The following ECSIT variants were observed in gnomAD, a reference collection of about 807,000 sequenced individuals.
ECSIT encodes ECSIT signaling integrator.
ECSIT carries 29 observed loss-of-function variants against 36.8 expected under a neutral mutation model. The observed-to-expected ratio is 0.79, with a 90% confidence interval of 0.59 to 1.08. The LOEUF (loss-of-function observed/expected upper bound fraction) is 1.08. Ranked by LOEUF, ECSIT falls within the 50% of genes least tolerant of loss-of-function variation. The pLI, the probability that ECSIT is intolerant of heterozygous loss-of-function variation, is 0.00. For missense variants in ECSIT, 542 were observed against 581.0 expected (o/e 0.93, Z 0.69); for synonymous variants, 231 against 234.8 (o/e 0.98, Z 0.15).
intron 4 of ECSIT, among the ~76,000 whole-genome samples, chr19:11,509,742 T>C (rs1971832721): frequency 6.6e-6 from 1 of 151,402 alleles, no homozygotes; most frequent in African/African-American, 2.4e-5. Context: ...CACTCCAGCA[T>C]GGGCGACAGA....
At chr19:11,527,568 G>A (rs1308059235) in intron 1 of ECSIT, among the ~76,000 whole-genome samples, 1 of 151,960 alleles carries the variant, frequency 6.6e-6, no homozygotes, top group African/African-American at 2.4e-5. Context: ...GTCATCTCAG[G>A]TACTCAGGAG....
intron 1 of ECSIT, among the ~76,000 whole-genome samples, chr19:11,527,238 C>T (rs1599594049): frequency 6.6e-6 from 1 of 152,306 alleles, no homozygotes; most frequent in African/African-American, 2.4e-5. Context: ...AGGAGAATCA[C>T]TTGAACCTGG....
chr19:11,514,139 T>G lies in ECSIT; in HGVS notation c.179A>C (p.Glu60Ala). The stretch of plus-strand genomic sequence containing the variant: ...AGCCTTGGTGGGCCTCTGCCGGGGT[T>G]CCGGTGGGCTGGGAACCAGGGACTG... ...SEQSLVPSPP[E>A]PRQRPTKALV... The change falls in exon 3 of 8, where the codon GAA becomes GCA. Residue 60 changes from glutamate to alanine, a missense_variant. Physicochemically the swap from Glu to Ala is moderately radical, Grantham distance 107. Transcript: ENST00000270517. The G allele has an allele frequency of 6.2e-7, 1 of 1,613,894 alleles. No homozygotes were observed. Among genetic ancestry groups the G allele is most frequent in the African/African-American group, 1.3e-5 (1 of 75,058 alleles).
At position 11,505,930 on chromosome 19, in the gene ECSIT, GCGCACAACCAACAGCGCTCC is replaced by G. The variant is rs1311780631; in HGVS notation, c.*234_*253del. The G allele has an allele frequency of 6.7e-6, 6 of 897,052 alleles. No individual in the cohort carries two copies. Among genetic ancestry groups the G allele is most frequent in the Admixed American group, 3.5e-5 (1 of 28,182 alleles). 55.6% of individuals were successfully genotyped at this position (897,052 alleles called of 1,614,324 possible). ...GAGACCAAGAATGGAAACTGCGCAT[GCGCACAACCAACAGCGCTCC>G]CGCCCCTTTTTATTTGAATTCGGAG... On this transcript the variant is annotated 3_prime_UTR_variant, in exon 8 of 8. Coordinates refer to ENST00000270517, the MANE Select transcript of ECSIT (RefSeq NM_016581.5).
chr19:11,511,605 G>C (rs1166528053), intron 4 of ECSIT, among the ~76,000 whole-genome samples: 3 of 152,162 alleles, frequency 2.0e-5, no homozygotes, highest in Non-Finnish European at 4.4e-5. Context: ...GCTATGGTCT[G>C]AATGTTTATG....
rs746478913 is a variant in ECSIT at position 11,506,397 on chromosome 19, C to G, written c.1083G>C (p.Met361Ile). ...TCGTCGCCTGGTCATGAGCACCCGC[C>G]ATGCACATGGCGAAGACAGGGCCTT... ...VEEGPVFAMCMAGAHDQATMA... is the reference protein window; with the variant it reads ...VEEGPVFAMCIAGAHDQATMA... The change falls in exon 8 of 8, where the codon ATG (methionine) becomes ATC (isoleucine). Residue 361 changes from methionine to isoleucine, a missense_variant. Met to Ile is a conservative substitution (Grantham distance 10, BLOSUM62 1). Coordinates refer to ENST00000270517, the MANE Select transcript of ECSIT (RefSeq NM_016581.5). The G allele has an allele frequency of 6.2e-7, 1 of 1,613,476 alleles. No homozygotes were observed. The highest frequency in any genetic ancestry group is 1.1e-5 in the South Asian group (1 of 91,072).
intron 2 of ECSIT, 76 bp from the exon 3 acceptor site, chr19:11,514,297 CAGAG>C: frequency 7.1e-7 from 1 of 1,407,966 alleles, no homozygotes; most frequent in Non-Finnish European, 9.4e-7. Context: ...GCTCTTTCCT[CAGAG>C]AGGTCCCAGT....
In ECSIT at chr19:11,518,057, C is replaced by T. The variant is rs1203402049; in HGVS notation, c.96+1018G>A. ...CTTGTAATCCTAGCACTTTGGGAGG[C>T]CAAAGTGGAAGGACTGAGGGCCCAG... is the stretch of plus-strand genomic sequence containing the variant. On this transcript the variant is annotated intron_variant, in intron 2 of 7. Coordinates refer to ENST00000270517, the MANE Select transcript of ECSIT (RefSeq NM_016581.5). 3.3e-5 allele frequency among the ~76,000 whole-genome samples: 5 copies of T among 151,758 alleles called. No homozygotes were observed. The East Asian group carries it at 9.7e-4, about 29-fold the overall frequency.
chr19:11,514,283 G>T (rs1971942071), intron 2 of ECSIT, 62 bp from the exon 3 acceptor site: 2 of 1,471,814 alleles, frequency 1.4e-6, no homozygotes, highest in African/African-American at 1.4e-5. Context: ...GGGCCGCCAG[G>T]CTGGCTCTTT....
chr19:11,513,839 C>G lies in ECSIT; in HGVS notation c.479G>C (p.Cys160Ser), dbSNP rs893265997. 3 of 1,614,028 alleles carry G rather than the reference C, an allele frequency of 1.9e-6. No homozygotes were observed. Among genetic ancestry groups the G allele is most frequent in the Admixed American group, 1.7e-5 (1 of 59,986 alleles). The change falls in exon 3 of 8, where the codon TGT becomes TCT. Residue 160 changes from cysteine (C) to serine (S), a missense_variant. Physicochemically the swap from Cys to Ser is moderately radical, Grantham distance 112. Coordinates refer to ENST00000270517, the MANE Select transcript of ECSIT (RefSeq NM_016581.5). ...IFVHYPRQQECGIAVLEQMEN... is the reference protein window; with the variant it reads ...IFVHYPRQQESGIAVLEQMEN... Reference sequence around the variant, plus strand: ...CATCTGCTCCAGGACAGCAATCCCACACTCCTGCTGCCGAGGGTAGTGGAC... The same window carrying G: ...CATCTGCTCCAGGACAGCAATCCCAGACTCCTGCTGCCGAGGGTAGTGGAC...
rs559534575 is a variant in ECSIT, at chr19:11,522,802, G to C, written c.-23-3609C>G. Among the ~76,000 whole-genome samples, 5 of 152,296 alleles carry C rather than the reference G, an allele frequency of 3.3e-5. No homozygotes were observed. The East Asian group carries it at 7.7e-4, about 24-fold the overall frequency. On this transcript the variant is annotated intron_variant, in intron 1 of 7. Coordinates refer to ENST00000270517, the MANE Select transcript of ECSIT (RefSeq NM_016581.5). Reference sequence around the variant, plus strand: ...AAAAAGAAAAAAGGTCGGGCACGGTGGCTCACGCCTGTAATCCCAGCACTT... The same window carrying C: ...AAAAAGAAAAAAGGTCGGGCACGGTCGCTCACGCCTGTAATCCCAGCACTT...
Position 11,513,988 on chromosome 19 carries a change from G to A in ECSIT, c.330C>T (p.Ile110=). ...CCCGCATCTTGCGCAGGGCCAGGTA[G>A]ATGAAGTCAATGTGGCCCCGCTTAC... The part of the protein sequence containing the change: ...SVRKRGHIDF[I]YLALRKMREY... The change falls in exon 3 of 8, where the codon ATC becomes ATT. Residue 110 remains isoleucine (I), a synonymous_variant. Coordinates refer to ENST00000270517, the MANE Select transcript of ECSIT (RefSeq NM_016581.5). 6.2e-7 allele frequency: 1 copy of A among 1,614,244 alleles called. No individual in the cohort carries two copies. Among genetic ancestry groups the A allele is most frequent in the Non-Finnish European group, 8.5e-7 (1 of 1,180,044 alleles).
chr19:11,523,132 A>G (rs1192585668), intron 1 of ECSIT, among the ~76,000 whole-genome samples: 1 of 151,970 alleles, frequency 6.6e-6, no homozygotes, highest in African/African-American at 2.4e-5. Flanking sequence ...TGCCTCTGCC[A>G]CCCCTAAGAC....
At position 11,513,230 on chromosome 19, in the gene ECSIT, T is replaced by C. The variant is rs201622965; in HGVS notation, c.564A>G (p.Gly188=). ...ETEFLLIQIF[G]RKSYPMLKLV... ...ACTTGAGCATGGGGTAGCTTTTGCG[T>C]CCAAAGATCTGAATCAGCAGGAACT... The change falls in exon 4 of 8, where the codon GGA becomes GGG. Residue 188 remains glycine (G), a synonymous_variant. Coordinates refer to ENST00000270517, the MANE Select transcript of ECSIT (RefSeq NM_016581.5). 1 of 1,614,064 alleles carries C rather than the reference T, an allele frequency of 6.2e-7. No homozygotes were observed. Among genetic ancestry groups the C allele is most frequent in the East Asian group, 2.2e-5 (1 of 44,854 alleles).
chr19:11,508,156 TG>T (rs1971796465), intron 4 of ECSIT, 108 bp from the exon 5 acceptor site: 6 of 1,354,718 alleles, frequency 4.4e-6, no homozygotes, highest in Non-Finnish European at 5.3e-6. Flanking sequence ...ACACCTCTCC[TG>T]GATCTGGTAC....
In ECSIT at chr19:11,508,060, A is replaced by G; in HGVS notation, c.739-12T>C. The G allele has an allele frequency of 6.2e-7, 1 of 1,613,948 alleles. No individual in the cohort carries two copies. The highest frequency in any genetic ancestry group is 1.3e-5 in the African/African-American group (1 of 75,012). On this transcript the variant is annotated splice_polypyrimidine_tract_variant and intron_variant, in intron 4 of 7. Transcript: ENST00000270517. ...TTGGGCAAAGGAACCTGCAAGGGAG[A>G]GTAGGGATATAATCTTGTAACCCCC...
At chr19:11,524,604 A>C (rs981291800) in intron 1 of ECSIT, among the ~76,000 whole-genome samples, 2 of 151,554 alleles carry the variant, frequency 1.3e-5, no homozygotes, top group African/African-American at 4.8e-5. Context: ...GGGAAGTCAG[A>C]GTGGGAGGAT....
At position 11,513,952 on chromosome 19, in the gene ECSIT, G is replaced by A. The variant is rs751967425; in HGVS notation, c.366C>T (p.Val122=). Reference sequence around the variant, plus strand: ...GGTTGTACACAGCCAGGTCCCGCTCGACACCATACTCCCGCATCTTGCGCA... The same window carrying A: ...GGTTGTACACAGCCAGGTCCCGCTCAACACCATACTCCCGCATCTTGCGCA... The part of the protein sequence containing the change: ...LALRKMREYG[V]ERDLAVYNQL... Residue 122 remains valine, a synonymous_variant, in exon 3 of 8, where the codon GTC becomes GTT. Coordinates refer to ENST00000270517, the MANE Select transcript of ECSIT (RefSeq NM_016581.5). 3.7e-6 allele frequency: 6 copies of A among 1,614,098 alleles called. No homozygotes were observed. The highest frequency in any genetic ancestry group is 1.1e-5 in the South Asian group (1 of 91,090).
At chr19:11,512,010 G>A (rs887795025) in intron 4 of ECSIT, among the ~76,000 whole-genome samples, 6 of 149,948 alleles carry the variant, frequency 4.0e-5, no homozygotes, top group African/African-American at 1.2e-4. Flanking sequence ...CCAGCCTGGC[G>A]ACAGAGCGAG....
Sources: gnomAD v4.1 joint callset for allele counts (sites outside exome capture counted in the v4.1 genomes callset) on GRCh38, gnomAD v4.1.1 for gene constraint, MANE v1.5 for transcripts, NCBI Gene and HGNC (gene_info 2026-07-23, HGNC 2026-07-21) for gene names.